The following PDZRN4 variants were observed in gnomAD, a reference collection of about 807,000 sequenced individuals.
PDZRN4 encodes PDZ domain-containing RING finger protein 4.
In PDZRN4, 70 loss-of-function variants were observed where a neutral mutation model predicts 99.0. The observed-to-expected ratio is 0.71, with a 90% CI of 0.58 to 0.86. The LOEUF (loss-of-function observed/expected upper bound fraction) is 0.86. PDZRN4 is among the 40% of genes least tolerant of loss of function. PDZRN4 has a pLI of 0.00. For missense variants in PDZRN4, 1,474 were observed against 1,331.2 expected (o/e 1.11, Z -1.67); for synonymous variants, 551 against 501.6 (o/e 1.10, Z -1.32).
chr12:41,365,820 C>T (rs1468924586), intron 3 of PDZRN4, among the ~76,000 whole-genome samples: 6 of 152,070 alleles, frequency 3.9e-5, no homozygotes, highest in Non-Finnish European at 8.8e-5. Flanking sequence ...AGAGGATTCA[C>T]TCACTCTTGT....
At chr12:41,317,183 TATCTACCTAG>T (rs1385343969) in intron 3 of PDZRN4, among the ~76,000 whole-genome samples, 2 of 151,064 alleles carry the variant, frequency 1.3e-5, no homozygotes, top group Non-Finnish European at 3.0e-5. Context: ...GGTAAACATC[TATCTACCTAG>T]AAACAGATAA....
intron 3 of PDZRN4, among the ~76,000 whole-genome samples, chr12:41,222,993 A>C (rs1412850168): frequency 6.6e-6 from 1 of 152,190 alleles, no homozygotes; most frequent in African/African-American, 2.4e-5. Context: ...TTACAGATTT[A>C]AGATTCCATT....
intron 7 of PDZRN4, among the ~76,000 whole-genome samples, chr12:41,560,757 A>G (rs1405964549): frequency 6.6e-6 from 1 of 152,150 alleles, no homozygotes; most frequent in Non-Finnish European, 1.5e-5. Context: ...CGAAGGTTGA[A>G]AGCTCTATCT....
At chr12:41,244,168 G>C (rs1951118296) in intron 3 of PDZRN4, among the ~76,000 whole-genome samples, 1 of 151,640 alleles carries the variant, frequency 6.6e-6, no homozygotes, top group African/African-American at 2.4e-5. Context: ...CCCCAATTTG[G>C]TAAATGGCCA....
intron 3 of PDZRN4, among the ~76,000 whole-genome samples, chr12:41,450,330 C>G (rs1017391891): frequency 2.0e-5 from 3 of 152,120 alleles, no homozygotes; most frequent in African/African-American, 7.2e-5. Flanking sequence ...GAAACTAATT[C>G]AGTGGCCCAC....
chr12:41,441,716 TG>T (rs1952682407), intron 3 of PDZRN4, among the ~76,000 whole-genome samples: 1 of 152,152 alleles, frequency 6.6e-6, no homozygotes, highest in Non-Finnish European at 1.5e-5. Context: ...TCTCATACTA[TG>T]TAACCCCTAC....
At chr12:41,223,596 T>C (rs1950972821) in intron 3 of PDZRN4, among the ~76,000 whole-genome samples, 1 of 152,202 alleles carries the variant, frequency 6.6e-6, no homozygotes, top group Non-Finnish European at 1.5e-5. Context: ...TTTTAAAATG[T>C]TAAAAATAAG....
intron 3 of PDZRN4, among the ~76,000 whole-genome samples, chr12:41,249,992 A>AT (rs1213135870): frequency 8.5e-5 from 13 of 152,180 alleles, no homozygotes; most frequent in Admixed American, 3.3e-4. Flanking sequence ...TGAGATAGAA[A>AT]TCTCAATTAA....
intron 3 of PDZRN4, among the ~76,000 whole-genome samples, chr12:41,224,241 T>C (rs1318216259): frequency 6.6e-6 from 1 of 152,216 alleles, no homozygotes; most frequent in East Asian, 1.9e-4. Context: ...GTTGGGCTTT[T>C]ATTAACCCCG....
At chr12:41,563,523 T>C in intron 7 of PDZRN4, 25 bp from the exon 8 acceptor site, 1 of 1,508,028 alleles carries the variant, frequency 6.6e-7, no homozygotes, top group Non-Finnish European at 9.2e-7. Flanking sequence ...TGGAAACTAA[T>C]GTGCCACTCT....
intron 3 of PDZRN4, among the ~76,000 whole-genome samples, chr12:41,352,004 T>TAAATAAATAAATAAATAAATAAATAAAA (rs1235086546): frequency 2.7e-5 from 4 of 150,646 alleles, no homozygotes; most frequent in African/African-American, 9.8e-5. Context: ...AATAAATAAA[T>TAAATAAATAAATAAATAAATAAATAAAA]AAAAATTTCA....
chr12:41,388,588 G>A (rs1952188350), intron 3 of PDZRN4, among the ~76,000 whole-genome samples: 1 of 152,176 alleles, frequency 6.6e-6, no homozygotes, highest in African/African-American at 2.4e-5. Flanking sequence ...ACCAAAAGTG[G>A]AAGCAAGCAT....
intron 3 of PDZRN4, among the ~76,000 whole-genome samples, chr12:41,445,063 C>T (rs527888000): frequency 4.4e-4 from 67 of 151,984 alleles, no homozygotes; most frequent in African/African-American, 1.5e-3. Flanking sequence ...TATATTTTCA[C>T]TGTTTAATTG....
intron 6 of PDZRN4, among the ~76,000 whole-genome samples, chr12:41,555,241 A>AAAAAAAAAAAAAAAAAAAAAG (rs1939135516): frequency 8.3e-6 from 1 of 119,962 alleles, no homozygotes; most frequent in Non-Finnish European, 1.6e-5. Context: ...AAAAAAAAAA[A>AAAAAAAAAAAAAAAAAAAAAG]AAAAAAAAGA....
At chr12:41,494,404 A>G (rs1041133381) in intron 3 of PDZRN4, among the ~76,000 whole-genome samples, 2 of 152,102 alleles carry the variant, frequency 1.3e-5, no homozygotes, top group African/African-American at 4.8e-5. Context: ...CTAGGGGCAG[A>G]TAGTACCAAG....
intron 3 of PDZRN4, among the ~76,000 whole-genome samples, chr12:41,495,570 T>C (rs971932187): frequency 1.3e-5 from 2 of 152,238 alleles, no homozygotes; most frequent in African/African-American, 4.8e-5. Flanking sequence ...CCATCATTTT[T>C]CCCACTAATT....
chr12:41,436,416 A>T (rs1952629991), intron 3 of PDZRN4, among the ~76,000 whole-genome samples: 1 of 152,236 alleles, frequency 6.6e-6, no homozygotes, highest in Non-Finnish European at 1.5e-5. Flanking sequence ...GATTCTAAAC[A>T]TGTGACAAAG....
chr12:41,258,105 T>C (rs1352559873), intron 3 of PDZRN4, among the ~76,000 whole-genome samples: 1 of 152,180 alleles, frequency 6.6e-6, no homozygotes, highest in Non-Finnish European at 1.5e-5. Flanking sequence ...GTGTAATAAC[T>C]TCTGAGGGTT....
chr12:41,206,500 T>TATTAAGCTTAATTATTTATTA (rs1317248125), intron 3 of PDZRN4, among the ~76,000 whole-genome samples: 2,665 of 151,156 alleles, frequency 0.018, 89 homozygotes, highest in African/African-American at 0.061. Context: ...ATTAATAAAT[T>TATTAAGCTTAATTATTTATTA]ATTAAGCTTA....
Sources: gnomAD v4.1 joint callset for allele counts (sites outside exome capture counted in the v4.1 genomes callset) on GRCh38, gnomAD v4.1.1 for gene constraint, MANE v1.5 for transcripts, NCBI Gene and HGNC (gene_info 2026-07-23, HGNC 2026-07-21) for gene names.